FAM114A1: variants seen among roughly 807,000 people sequenced by gnomAD.
The protein encoded by FAM114A1 is family with sequence similarity 114 member A1.
Under a neutral mutation model 64.3 loss-of-function variants are expected in FAM114A1, and 62 were observed. The ratio of observed to expected loss-of-function variants is 0.96; its 90% CI spans 0.79 to 1.19. The LOEUF (loss-of-function observed/expected upper bound fraction) is 1.19. FAM114A1 is among the 50% of genes most tolerant of loss of function. The pLI, the probability that FAM114A1 is intolerant of heterozygous loss-of-function variation, is 0.00. For missense variants in FAM114A1, 645 were observed against 676.3 expected (o/e 0.95, Z 0.51); for synonymous variants, 254 against 251.1 (o/e 1.01, Z -0.11).
chr4:38,904,999 C>CA (rs1717845275), intron 4 of FAM114A1, among the ~76,000 whole-genome samples: 1 of 152,174 alleles, frequency 6.6e-6, no homozygotes, highest in African/African-American at 2.4e-5. Flanking sequence ...CACAGAGAGG[C>CA]TAGGTAACTT....
At chr4:38,940,866 T>A in intron 13 of FAM114A1, 102 bp from the exon 14 acceptor site, 1 of 1,225,732 alleles carries the variant, frequency 8.2e-7, no homozygotes, top group Non-Finnish European at 1.2e-6. Context: ...CTCCTCTTCC[T>A]CTGCAAGAGA....
At chr4:38,933,664 T>C (rs1223144533) in intron 12 of FAM114A1, among the ~76,000 whole-genome samples, 2 of 152,198 alleles carry the variant, frequency 1.3e-5, no homozygotes, top group African/African-American at 2.4e-5. Flanking sequence ...AAATAGTTGG[T>C]ATGGAGCTGA....
At chr4:38,929,142 A>G (rs927035992) in intron 9 of FAM114A1, 100 bp from the exon 10 acceptor site, 3 of 911,062 alleles carry the variant, frequency 3.3e-6, no homozygotes, top group Non-Finnish European at 3.6e-6. Flanking sequence ...TACAACCTCC[A>G]CTTAGTCTAC....
intron 2 of FAM114A1, among the ~76,000 whole-genome samples, chr4:38,876,994 A>T (rs1714709504): frequency 6.6e-6 from 1 of 152,200 alleles, no homozygotes; most frequent in Non-Finnish European, 1.5e-5. Context: ...GATGATCTAA[A>T]ATAATCCCCT....
intron 4 of FAM114A1, among the ~76,000 whole-genome samples, chr4:38,898,872 A>G (rs1172110371): frequency 6.6e-6 from 1 of 150,836 alleles, no homozygotes; most frequent in Non-Finnish European, 1.5e-5. Context: ...ACTCATCTAT[A>G]GAAGAGTCTG....
At position 38,921,108 on chromosome 4, in the gene FAM114A1, G is replaced by A. The variant is rs1319071050; in HGVS notation, c.946-1662G>A. Among the ~76,000 whole-genome samples the A allele has an allele frequency of 2.6e-5, 4 of 152,264 alleles. No homozygotes were observed. In the South Asian group the frequency reaches 6.2e-4, roughly 24 times the overall value. ...TTCCAAAGAGGACTACGGCTCCACC[G>A]CTGTCTCTCTCGCCAGAGCAAGAGT... On this transcript the variant is annotated intron_variant, in intron 8 of 14. Coordinates refer to ENST00000358869, the MANE Select transcript of FAM114A1 (RefSeq NM_138389.4).
chr4:38,942,557 A>G (rs1721655779), intron 14 of FAM114A1, among the ~76,000 whole-genome samples: 3 of 152,214 alleles, frequency 2.0e-5, no homozygotes, highest in Admixed American at 1.3e-4. Flanking sequence ...CGTTTCCCCA[A>G]TAGATGTTTT....
chr4:38,881,206 A>AC (rs1233878389), intron 3 of FAM114A1, among the ~76,000 whole-genome samples: 2 of 151,862 alleles, frequency 1.3e-5, no homozygotes, highest in African/African-American at 4.8e-5. Context: ...TGTCTCAAAA[A>AC]AAAAAAAAAT....
intron 4 of FAM114A1, among the ~76,000 whole-genome samples, chr4:38,892,672 A>C (rs1716516890): frequency 6.6e-6 from 1 of 152,242 alleles, no homozygotes; most frequent in Non-Finnish European, 1.5e-5. Context: ...AGATAAGAAG[A>C]TAGGGGAAGC....
At chr4:38,929,713 G>GT (rs1259722274) in intron 10 of FAM114A1, among the ~76,000 whole-genome samples, 4 of 152,226 alleles carry the variant, frequency 2.6e-5, no homozygotes, top group African/African-American at 9.7e-5. Flanking sequence ...GGAGGCCAAG[G>GT]TTGCAGGGAG....
intron 4 of FAM114A1, among the ~76,000 whole-genome samples, chr4:38,899,446 A>T (rs549934874): frequency 6.6e-6 from 1 of 152,260 alleles, no homozygotes; most frequent in Non-Finnish European, 1.5e-5. Context: ...GCATTTATTT[A>T]GTTGAGCGCT....
intron 9 of FAM114A1, among the ~76,000 whole-genome samples, chr4:38,925,373 C>G (rs1720009429): frequency 6.6e-6 from 1 of 152,086 alleles, no homozygotes. Context: ...TGTCACAACC[C>G]CAGAAAGGTT....
Position 38,915,769 on chromosome 4 carries a change from G to GTGTC in FAM114A1, c.945+699_945+700insCTGT, listed in dbSNP as rs1319248514. ...GGTGTGTGTGTGTGTGTGTGTGTGT[G>GTGTC]TGTGTGTGTGTGTGTGTGTGTGTGT... is the stretch of plus-strand genomic sequence containing the variant. On this transcript the variant is annotated intron_variant, in intron 8 of 14. Transcript: ENST00000358869. 3.9e-4 allele frequency among the ~76,000 whole-genome samples: 59 copies of GTGTC among 150,612 alleles called. 2 individuals are homozygous for GTGTC. The highest frequency in any genetic ancestry group is 1.4e-3 in the African/African-American group (55 of 40,342).
intron 1 of FAM114A1, 199 bp from the exon 2 acceptor site, chr4:38,868,199 C>T (rs944500786): frequency 2.6e-5 from 5 of 190,398 alleles, no homozygotes; most frequent in Non-Finnish European, 5.8e-5. Flanking sequence ...GTCCTGGCAC[C>T]AAGCAAGTCT....
intron 7 of FAM114A1, among the ~76,000 whole-genome samples, chr4:38,909,690 C>T (rs1184318977): frequency 6.6e-6 from 1 of 152,216 alleles, no homozygotes. Flanking sequence ...TTCCTGAAAT[C>T]AGAAGCAGCT....
intron 13 of FAM114A1, among the ~76,000 whole-genome samples, chr4:38,939,471 G>T (rs1056602710): frequency 3.9e-5 from 6 of 151,936 alleles, no homozygotes; most frequent in Admixed American, 2.0e-4. Context: ...TCATCTTATT[G>T]CCCTCATTTG....
At chr4:38,868,997 G>A (rs772085360) in intron 2 of FAM114A1, among the ~76,000 whole-genome samples, 18 of 152,202 alleles carry the variant, frequency 1.2e-4, no homozygotes, top group Non-Finnish European at 2.4e-4. Flanking sequence ...GTTGGAGGGG[G>A]CTTTCTTGAA....
chr4:38,885,912 T>C (rs751048988), intron 3 of FAM114A1, among the ~76,000 whole-genome samples: 2 of 151,988 alleles, frequency 1.3e-5, no homozygotes, highest in Non-Finnish European at 2.9e-5. Flanking sequence ...GAAATCATAC[T>C]AAAAGATGGT....
At chr4:38,880,169 AGAAT>A (rs1560288304) in intron 3 of FAM114A1, among the ~76,000 whole-genome samples, 1 of 150,364 alleles carries the variant, frequency 6.7e-6, no homozygotes, top group Non-Finnish European at 1.5e-5. Flanking sequence ...AGAATAGAAT[AGAAT>A]AGAAAATATT....
Sources: allele counts gnomAD v4.1 joint callset (sites outside exome capture counted in the v4.1 genomes callset), GRCh38; gene constraint gnomAD v4.1.1; transcripts MANE v1.5; gene names NCBI Gene and HGNC (gene_info 2026-07-23, HGNC 2026-07-21).